Variants in GATA6 observed in about 807,000 individuals in gnomAD.
The protein encoded by GATA6 is GATA binding protein 6.
Under a neutral mutation model 48.1 loss-of-function variants are expected in GATA6, and 11 were observed. The observed-to-expected ratio is 0.23, with a 90% CI of 0.14 to 0.38. GATA6 has a LOEUF of 0.38. Ranked by LOEUF, GATA6 falls within the 10% of genes least tolerant of loss-of-function variation. GATA6 has a pLI of 1.00. For missense variants in GATA6, 795 were observed against 850.3 expected (o/e 0.93, Z 0.81); for synonymous variants, 419 against 396.1 (o/e 1.06, Z -0.69).
intron 3 of GATA6, among the ~76,000 whole-genome samples, chr18:22,180,476 C>T (rs1045524605): frequency 3.3e-5 from 5 of 152,020 alleles, no homozygotes; most frequent in Admixed American, 6.6e-5. Context: ...CCTGGTAATA[C>T]CAATTAACCC....
chr18:22,174,183 C>T (rs2033092935), intron 2 of GATA6, among the ~76,000 whole-genome samples: 1 of 152,138 alleles, frequency 6.6e-6, no homozygotes, highest in African/African-American at 2.4e-5. Context: ...CGGGGAGTTC[C>T]GTAGGGAATG....
chr18:22,187,483 A>G (rs920484481), intron 6 of GATA6, among the ~76,000 whole-genome samples: 2 of 136,966 alleles, frequency 1.5e-5, no homozygotes, highest in Non-Finnish European at 3.0e-5. Flanking sequence ...TCTGTCTCAG[A>G]AAAAAAAAAA....
chr18:22,183,807 A>T (rs571757180), intron 6 of GATA6, among the ~76,000 whole-genome samples: 1 of 152,360 alleles, frequency 6.6e-6, no homozygotes, highest in South Asian at 2.1e-4. Context: ...CTTCTAAAAA[A>T]TACTGGGCCT....
intron 6 of GATA6, among the ~76,000 whole-genome samples, chr18:22,193,431 A>T (rs1213057452): frequency 6.6e-6 from 1 of 152,246 alleles, no homozygotes; most frequent in Non-Finnish European, 1.5e-5. Flanking sequence ...GTTGGAATTT[A>T]TACAAAGTTT....
intron 2 of GATA6, chr18:22,175,617 T>G (rs2033111974): frequency 6.6e-6 from 1 of 152,226 alleles, no homozygotes; most frequent in Admixed American, 6.5e-5. Flanking sequence ...TTGTGTAGGA[T>G]GCCAGTTTCT....
At chr18:22,182,657 C>A in intron 4 of GATA6, 100 bp from the exon 5 acceptor site, 4 of 874,550 alleles carry the variant, frequency 4.6e-6, no homozygotes, top group South Asian at 1.5e-5. Context: ...TGCACTCGGC[C>A]GCCAAATTCT....
chr18:22,171,298 CG>C lies in GATA6; in HGVS notation c.158del (p.Gly53AlafsTer84). The C allele has an allele frequency of 6.3e-7, 1 of 1,591,960 alleles. No homozygotes were observed. Among genetic ancestry groups the C allele is most frequent in the Non-Finnish European group, 8.5e-7 (1 of 1,175,494 alleles). ...SSSSCSRGGE[R>X]GPGGASNCGT... is the part of the protein sequence containing the mutation. ...CTCCTCCTGCTCCCGGGGCGGAGAG[CG>C]GGGCCCCGGCGGCGCCAGCAACTGC... On this transcript the variant is annotated frameshift_variant, in exon 2 of 7. Transcript: ENST00000269216. LOFTEE classifies it high-confidence loss of function. This position sits in a 1 kb window ranked among gnomAD's most constrained non-coding sequence, Gnocchi z 7.1.
intron 3 of GATA6, among the ~76,000 whole-genome samples, chr18:22,180,863 T>C (rs2033185559): frequency 6.6e-6 from 1 of 151,932 alleles, no homozygotes; most frequent in Non-Finnish European, 1.5e-5. Flanking sequence ...TTTAGCACAT[T>C]AGCAAGTGGC....
In GATA6 at chr18:22,200,700, C is replaced by G; in HGVS notation, c.1665C>G (p.Pro555=). ...VMTGAGESTN[P]ENSELKYSGQ... is the part of the protein sequence containing the mutation. ...CTGGTGCGGGAGAGAGCACCAATCC[C>G]GAGAACAGCGAGCTCAAGTATTCGG... Residue 555 remains proline, a synonymous_variant, in exon 7 of 7, where the codon CCC becomes CCG. Coordinates refer to ENST00000269216, the MANE Select transcript of GATA6 (RefSeq NM_005257.6). 6.2e-7 allele frequency: 1 copy of G among 1,614,234 alleles called. No individual in the cohort carries two copies. The highest frequency in any genetic ancestry group is 8.5e-7 in the Non-Finnish European group (1 of 1,180,040).
At position 22,169,610 on chromosome 18, in the gene GATA6, C is replaced by G. The variant is rs1481721817; in HGVS notation, c.-110C>G. 1 of 152,462 alleles carries G rather than the reference C, an allele frequency of 6.6e-6. No homozygotes were observed. The highest frequency in any genetic ancestry group is 1.5e-5 in the Non-Finnish European group (1 of 68,068). The allele number at this position is 152,462 out of a possible 1,614,324, so 9.4% of individuals were successfully genotyped here. Reference sequence around the variant, plus strand: ...CCCCGGACTCGCGCTCGCCCGCTGGCGCCCTCGGCTTCTCTCCGCGCCTGG... The same window carrying G: ...CCCCGGACTCGCGCTCGCCCGCTGGGGCCCTCGGCTTCTCTCCGCGCCTGG... On this transcript the variant is annotated 5_prime_UTR_variant, in exon 1 of 7. Transcript: ENST00000269216.
intron 6 of GATA6, among the ~76,000 whole-genome samples, chr18:22,184,686 A>G (rs1688831991): frequency 6.6e-6 from 1 of 151,674 alleles, no homozygotes; most frequent in Non-Finnish European, 1.5e-5. Flanking sequence ...GTTAGTAGAG[A>G]CGGGGTTTCA....
At chr18:22,180,910 T>A (rs1226324224) in intron 3 of GATA6, among the ~76,000 whole-genome samples, 1 of 151,540 alleles carries the variant, frequency 6.6e-6, no homozygotes, top group Admixed American at 6.6e-5. Flanking sequence ...CTTAGACCTG[T>A]GACTATAGTG....
chr18:22,182,677 G>A, intron 4 of GATA6, 80 bp from the exon 5 acceptor site: 2 of 1,029,524 alleles, frequency 1.9e-6, no homozygotes, highest in Non-Finnish European at 2.9e-6. Flanking sequence ...TTTTAAATGA[G>A]AGCTTTTAGT....
chr18:22,177,994 T>G (rs2033147975), intron 3 of GATA6, among the ~76,000 whole-genome samples: 1 of 128,052 alleles, frequency 7.8e-6, no homozygotes, highest in Admixed American at 8.7e-5. Context: ...GGAGTTTCAC[T>G]CTTGTTGCCC....
chr18:22,200,951 AAG>A lies in GATA6; in HGVS notation c.*132_*133del, dbSNP rs1308087487. 4.7e-6 allele frequency: 5 copies of A among 1,066,202 alleles called. No homozygotes were observed. The Admixed American group carries it at 7.1e-5, about 15-fold the overall frequency. 66.0% of individuals were successfully genotyped at this position (1,066,202 alleles called of 1,614,324 possible). A position where few individuals can be genotyped will look rare whatever the true frequency, so the allele number is the denominator to read the frequency against. On this transcript the variant is annotated 3_prime_UTR_variant, in exon 7 of 7. Transcript: ENST00000269216. Reference sequence around the variant, plus strand: ...CGTGATTCTCGTGCCTTTATTTTGAAAGAGATGTTTTTCCCAAGAGGCTTGCT... The same window carrying A: ...CGTGATTCTCGTGCCTTTATTTTGAAAGATGTTTTTCCCAAGAGGCTTGCT...
rs796243785 is a variant in GATA6 at position 22,172,642 on chromosome 18, G to C, written c.1135+363G>C. Among the ~76,000 whole-genome samples the C allele has an allele frequency of 7.2e-5, 11 of 152,302 alleles. No homozygotes were observed. Among genetic ancestry groups the C allele is most frequent in the African/African-American group, 2.6e-4 (11 of 41,566 alleles). On this transcript the variant is annotated intron_variant, in intron 2 of 6. Coordinates refer to ENST00000269216, the MANE Select transcript of GATA6 (RefSeq NM_005257.6). The surrounding 1 kb of genome is among the most constrained non-coding windows in gnomAD (Gnocchi z 5.2). ...GAACTAACAGCGCTTGAGCCCCATC[G>C]CAGACCCTACTTTGGGTGAGTGGAA... is the stretch of plus-strand genomic sequence containing the variant.
At chr18:22,199,089 T>A (rs1189478750) in intron 6 of GATA6, among the ~76,000 whole-genome samples, 1 of 152,136 alleles carries the variant, frequency 6.6e-6, no homozygotes, top group Non-Finnish European at 1.5e-5. Flanking sequence ...GAGGGCTTGC[T>A]CGCCTGAAGT....
chr18:22,180,947 G>C (rs2033187116), intron 3 of GATA6, among the ~76,000 whole-genome samples: 1 of 152,066 alleles, frequency 6.6e-6, no homozygotes, highest in Non-Finnish European at 1.5e-5. Context: ...CCACGGTGGG[G>C]GGTGGGCGGC....
At chr18:22,181,306 T>C in intron 3 of GATA6, 147 bp from the exon 4 acceptor site, 1 of 971,830 alleles carries the variant, frequency 1.0e-6, no homozygotes, top group Non-Finnish European at 1.5e-6. Context: ...ATAAGTACAC[T>C]GCAATTTTTT....
Sources: allele counts gnomAD v4.1 joint callset (sites outside exome capture counted in the v4.1 genomes callset), GRCh38; gene constraint gnomAD v4.1.1; non-coding constraint Gnocchi (gnomAD v3.1); transcripts MANE v1.5; gene names NCBI Gene and HGNC (gene_info 2026-07-23, HGNC 2026-07-21).